ERC2: variants seen among roughly 807,000 people sequenced by gnomAD.
The protein encoded by ERC2 is ERC protein 2.
Under a neutral mutation model 114.8 loss-of-function variants are expected in ERC2, and 42 were observed. The ratio of observed to expected loss-of-function variants is 0.37; its 90% confidence interval spans 0.29 to 0.47. The LOEUF (loss-of-function observed/expected upper bound fraction) is 0.47. Among genes scored for constraint, ERC2 ranks in the 20% least tolerant of loss-of-function variants. The probability of loss-of-function intolerance (pLI) is 0.99; values close to 1 mark genes in which losing one functional copy is unlikely to be tolerated. For missense variants in ERC2, 939 were observed against 1,150.7 expected, an observed-to-expected ratio of 0.82 and a Z score of 2.66; for synonymous variants, 454 against 425.5, an observed-to-expected ratio of 1.07 and a Z score of -0.82.
chr3:56,392,041 T>A (rs2060147251), intron 2 of ERC2, among the ~76,000 whole-genome samples: 2 of 152,168 alleles, frequency 1.3e-5, no homozygotes, highest in Admixed American at 1.3e-4. Context: ...AGTAAACATA[T>A]TAGAATCCTG....
chr3:55,677,354 G>A (rs1469435036), intron 17 of ERC2, among the ~76,000 whole-genome samples: 3 of 152,076 alleles, frequency 2.0e-5, no homozygotes, highest in Non-Finnish European at 4.4e-5. Context: ...TAGGTGGCTT[G>A]GGTGTAGCTA....
At chr3:56,041,971 G>T (rs149222299) in intron 7 of ERC2, among the ~76,000 whole-genome samples, 6 of 139,284 alleles carry the variant, frequency 4.3e-5, no homozygotes, top group African/African-American at 9.9e-5. Flanking sequence ...TACCATCAAT[G>T]ATTTAAAGTG....
At chr3:56,262,515 T>C (rs1043614929) in intron 3 of ERC2, among the ~76,000 whole-genome samples, 2 of 152,328 alleles carry the variant, frequency 1.3e-5, no homozygotes, top group Admixed American at 1.3e-4. Context: ...ACTGATTCTC[T>C]TTTAAAAGAC....
At chr3:55,636,275 A>G (rs1219263048) in intron 17 of ERC2, among the ~76,000 whole-genome samples, 3 of 152,226 alleles carry the variant, frequency 2.0e-5, no homozygotes, top group African/African-American at 7.2e-5. Flanking sequence ...CAAACATGGA[A>G]CACACTGTCA....
At chr3:55,999,253 T>C (rs13084391) in intron 10 of ERC2, among the ~76,000 whole-genome samples, 35,082 of 152,070 alleles carry the variant, frequency 0.23, 4,542 homozygotes, top group Admixed American at 0.31. Context: ...AGTAGAATGA[T>C]AGTTAAGCTG....
At chr3:55,697,921 C>T (rs904421535) in intron 16 of ERC2, among the ~76,000 whole-genome samples, 3 of 151,684 alleles carry the variant, frequency 2.0e-5, no homozygotes, top group South Asian at 2.1e-4. Flanking sequence ...GGAATGAGAA[C>T]GAGTTGGTTT....
At chr3:55,825,228 A>G (rs1219401929) in intron 14 of ERC2, among the ~76,000 whole-genome samples, 1 of 152,234 alleles carries the variant, frequency 6.6e-6, no homozygotes, top group Non-Finnish European at 1.5e-5. Context: ...GAGGAAGAGC[A>G]GTCAATTACC....
chr3:55,914,936 C>T (rs749471525), intron 13 of ERC2, among the ~76,000 whole-genome samples: 2 of 152,122 alleles, frequency 1.3e-5, no homozygotes, highest in Non-Finnish European at 2.9e-5. Context: ...ATATAAAAAG[C>T]AAACAATTAA....
chr3:55,783,365 G>A (rs912927763), intron 14 of ERC2, among the ~76,000 whole-genome samples: 1 of 152,144 alleles, frequency 6.6e-6, no homozygotes, highest in Non-Finnish European at 1.5e-5. Flanking sequence ...ACAGGGCTAA[G>A]GTAAGGTCTA....
At chr3:56,020,048 A>T (rs991388399) in intron 7 of ERC2, among the ~76,000 whole-genome samples, 4 of 152,176 alleles carry the variant, frequency 2.6e-5, no homozygotes, top group Admixed American at 6.5e-5. Context: ...TGTATCTGGA[A>T]TGGTAATCCA....
At chr3:55,669,946 G>C (rs1341645782) in intron 17 of ERC2, among the ~76,000 whole-genome samples, 37 of 152,160 alleles carry the variant, frequency 2.4e-4, no homozygotes, top group Admixed American at 2.4e-3. Context: ...ATATTGACGT[G>C]GCAAGCCTGT....
intron 17 of ERC2, among the ~76,000 whole-genome samples, chr3:55,614,857 T>C (rs1027631404): frequency 1.3e-5 from 2 of 152,244 alleles, no homozygotes; most frequent in African/African-American, 4.8e-5. Context: ...ACAGAGCCTA[T>C]GCTCATACTA....
intron 17 of ERC2, among the ~76,000 whole-genome samples, chr3:55,523,726 T>G (rs2053121422): frequency 6.6e-6 from 1 of 152,238 alleles, no homozygotes; most frequent in South Asian, 2.1e-4. Flanking sequence ...TGCCACACAG[T>G]GGGCATGCAA....
In ERC2 at chr3:56,313,474, G is replaced by A. The variant is rs187576970; in HGVS notation, c.658-17039C>T. On this transcript the variant is annotated intron_variant, in intron 2 of 17. Transcript: ENST00000288221. ...AAGAATAACTTATTTACTCATCATC[G>A]CTAGGCTAGTTAATATTCTTTGGGT... Among the ~76,000 whole-genome samples, 9 of 151,998 alleles carry A rather than the reference G, an allele frequency of 5.9e-5. No individual in the cohort carries two copies. The East Asian group carries it at 1.4e-3, about 23-fold the overall frequency.
intron 12 of ERC2, among the ~76,000 whole-genome samples, chr3:55,960,093 T>G (rs1180562052): frequency 6.6e-6 from 1 of 152,226 alleles, no homozygotes; most frequent in Non-Finnish European, 1.5e-5. Flanking sequence ...GGTCTCTTCT[T>G]GCCTCCCTGG....
At chr3:56,273,262 CT>C (rs35595771) in intron 3 of ERC2, among the ~76,000 whole-genome samples, 32,560 of 93,462 alleles carry the variant, frequency 0.35, 4,027 homozygotes, top group Non-Finnish European at 0.42. Context: ...TTTTTTCTTT[CT>C]TTTTTTTTTT....
chr3:56,174,889 A>G (rs2200433), intron 3 of ERC2, among the ~76,000 whole-genome samples: 53,140 of 151,672 alleles, frequency 0.35, 10,363 homozygotes, highest in Middle Eastern at 0.47. Context: ...GAGGCAGGAG[A>G]ATCCCTTGAA....
At chr3:56,055,574 T>C (rs982517299) in intron 7 of ERC2, among the ~76,000 whole-genome samples, 1 of 152,220 alleles carries the variant, frequency 6.6e-6, no homozygotes, top group African/African-American at 2.4e-5. Context: ...AGTCATTAAG[T>C]CTGCCCTGAA....
chr3:55,872,270 C>A (rs755420311), intron 14 of ERC2, among the ~76,000 whole-genome samples: 3 of 152,166 alleles, frequency 2.0e-5, no homozygotes, highest in Non-Finnish European at 4.4e-5. Flanking sequence ...CTCATCAACA[C>A]CAGACTCATG....
Sources: gnomAD v4.1 joint callset for allele counts (sites outside exome capture counted in the v4.1 genomes callset) on GRCh38, gnomAD v4.1.1 for gene constraint, MANE v1.5 for transcripts, NCBI Gene and HGNC (gene_info 2026-07-23, HGNC 2026-07-21) for gene names.